NECAB2: variants seen among roughly 807,000 people sequenced by gnomAD.
NECAB2 encodes the protein N-terminal EF-hand calcium binding protein 2.
In NECAB2, 68 loss-of-function variants were observed where a neutral mutation model predicts 51.9. That is an observed-to-expected ratio of 1.31 (90% CI 1.08 to 1.60). The LOEUF (loss-of-function observed/expected upper bound fraction) is 1.60, where lower values mean the gene tolerates loss of function less well. Among genes scored for constraint, NECAB2 ranks in the 40% most tolerant of loss-of-function variants. The pLI is 0.00. For synonymous variants in NECAB2, 329 were observed against 203.5 expected (o/e 1.62, Z -5.25); for missense variants, 854 against 490.3 (o/e 1.74, Z -7.00).
chr16:83,967,533 G>C (rs1422089039), upstream of NECAB2, among the ~76,000 whole-genome samples: 2 of 135,542 alleles, frequency 1.5e-5, no homozygotes, highest in Non-Finnish European at 3.2e-5. Context: ...GGATGGATGG[G>C]AGGGAGGGAG....
chr16:84,002,048 C>CCAGGCTCAGA (rs1395543244), intron 12 of NECAB2, 132 bp downstream of exon 12: 14 of 1,142,472 alleles, frequency 1.2e-5, no homozygotes, highest in Non-Finnish European at 1.8e-5. Context: ...GCCACCAATG[C>CCAGGCTCAGA]CAGGCTCAGA....
chr16:83,995,605 A>C (rs1167591714), intron 8 of NECAB2, among the ~76,000 whole-genome samples: 8 of 152,222 alleles, frequency 5.3e-5, no homozygotes, highest in Non-Finnish European at 1.2e-4. Flanking sequence ...CTGAGCTCTC[A>C]GAACCCTGGG....
chr16:83,975,267 C>A (rs2550442), intron 2 of NECAB2, among the ~76,000 whole-genome samples: 2 of 80,142 alleles, frequency 2.5e-5, no homozygotes, highest in Non-Finnish European at 4.8e-5. Context: ...TGCAGGGAGG[C>A]GTGGGTGCGG....
At chr16:83,980,121 C>A (rs1343761853) in intron 3 of NECAB2, among the ~76,000 whole-genome samples, 2 of 152,266 alleles carry the variant, frequency 1.3e-5, no homozygotes, top group East Asian at 3.9e-4. Flanking sequence ...GGACCTAGGC[C>A]CAGAAAGGGC....
At chr16:83,993,279 C>G (rs566304313) in intron 6 of NECAB2, 1 of 152,214 alleles carries the variant, frequency 6.6e-6, no homozygotes, top group Admixed American at 6.5e-5. Context: ...ATTTAATTTC[C>G]TGCTGGTTTA....
At chr16:83,998,372 G>T in intron 10 of NECAB2, 55 bp downstream of exon 10, 1 of 1,541,086 alleles carries the variant, frequency 6.5e-7, no homozygotes, top group Non-Finnish European at 8.9e-7. Context: ...CTGCCTGGCA[G>T]TGGAGGAACA....
chr16:84,000,691 C>T (rs1305577022), intron 10 of NECAB2, 33 bp from the exon 11 acceptor site: 10 of 1,608,876 alleles, frequency 6.2e-6, no homozygotes, highest in Admixed American at 1.7e-5. Context: ...GGTTGAGCTC[C>T]AGCCTCCTCC....
In NECAB2 at chr16:84,002,675, G is replaced by C. The variant is rs1471447938; in HGVS notation, c.*329G>C. On this transcript the variant is annotated 3_prime_UTR_variant, in exon 13 of 13. Coordinates refer to ENST00000305202, the MANE Select transcript of NECAB2 (RefSeq NM_019065.3). ...CACTGACCACACCCTGCCCTCTTCG[G>C]TGACATTCTTCTACCTAGTAGGAGT... The C allele has an allele frequency of 2.4e-6, 1 of 410,608 alleles. No individual in the cohort carries two copies. The highest frequency in any genetic ancestry group is 2.0e-5 in the African/African-American group (1 of 49,466). The allele number at this position is 410,608 out of a possible 1,614,324, so 25.4% of individuals were successfully genotyped here.
intron 6 of NECAB2, chr16:83,993,436 C>G (rs1206414725): frequency 1.3e-5 from 2 of 153,910 alleles, no homozygotes; most frequent in African/African-American, 4.8e-5. Context: ...ACCAAGACCG[C>G]GATGCACAGA....
chr16:83,996,240 T>A (rs2084696820), intron 8 of NECAB2, among the ~76,000 whole-genome samples: 1 of 152,210 alleles, frequency 6.6e-6, no homozygotes. Flanking sequence ...TCACGTATGC[T>A]TGTAAAACCA....
chr16:83,965,248 C>A (rs201940808), upstream of NECAB2: 2 of 1,611,910 alleles, frequency 1.2e-6, no homozygotes, highest in Non-Finnish European at 1.7e-6. Flanking sequence ...TGAGCGGCTT[C>A]CTGACCAGGA....
intron 2 of NECAB2, among the ~76,000 whole-genome samples, chr16:83,976,366 C>G (rs1347986455): frequency 2.6e-5 from 4 of 152,214 alleles, no homozygotes; most frequent in Admixed American, 6.5e-5. Flanking sequence ...TTACCCCTCT[C>G]TAACATGGAA....
Position 83,994,652 on chromosome 16 carries a change from C to T in NECAB2, c.759C>T (p.Ser253=), listed in dbSNP as rs1345863919. 2 of 1,614,160 alleles carry T rather than the reference C, an allele frequency of 1.2e-6. No individual in the cohort carries two copies. ...AKEEGLEAQI[S]RLAELIGRLE... ...AAGAGGGTCTGGAAGCCCAGATCAGCCGCTTGGCAGAGCTGATTGGGAGGC... is the reference window on the plus strand; with the variant it reads ...AAGAGGGTCTGGAAGCCCAGATCAGTCGCTTGGCAGAGCTGATTGGGAGGC... The change falls in exon 8 of 13, where the codon AGC becomes AGT. Residue 253 remains serine (S), a synonymous_variant. Coordinates refer to ENST00000305202, the MANE Select transcript of NECAB2 (RefSeq NM_019065.3).
At chr16:83,998,090 G>A (rs1228544922) in intron 9 of NECAB2, 115 bp from the exon 10 acceptor site, 1 of 886,086 alleles carries the variant, frequency 1.1e-6, no homozygotes, top group Non-Finnish European at 1.7e-6. Flanking sequence ...AGAATGAAAA[G>A]TGGGGGAGGG....
intron 8 of NECAB2, among the ~76,000 whole-genome samples, chr16:83,996,848 G>A (rs2084707658): frequency 6.6e-6 from 1 of 152,192 alleles, no homozygotes; most frequent in African/African-American, 2.4e-5. Context: ...GTCTGGGGAA[G>A]ACCAGAGAGA....
chr16:83,968,872 C>A, intron 1 of NECAB2, 23 bp downstream of exon 1: 2 of 1,110,596 alleles, frequency 1.8e-6, no homozygotes, highest in Non-Finnish European at 2.2e-6. Flanking sequence ...CGGCCGGGAC[C>A]CCCGCCGTGG....
intron 3 of NECAB2, among the ~76,000 whole-genome samples, chr16:83,979,687 G>T (rs375977885): frequency 4.3e-4 from 65 of 152,106 alleles, no homozygotes; most frequent in African/African-American, 1.4e-3. Flanking sequence ...GGTAGAGGAG[G>T]GGGTGGAGGC....
intron 1 of NECAB2, among the ~76,000 whole-genome samples, chr16:83,969,152 C>T (rs967275118): frequency 6.6e-6 from 1 of 151,602 alleles, no homozygotes; most frequent in Non-Finnish European, 1.5e-5. Context: ...CACTGTCCCC[C>T]TAGTTTTGTC....
rs780059114 is a variant in NECAB2 at position 84,000,712 on chromosome 16, C to G, written c.963-12C>G. On this transcript the variant is annotated splice_polypyrimidine_tract_variant and intron_variant, in intron 10 of 12. Coordinates refer to ENST00000305202, the MANE Select transcript of NECAB2 (RefSeq NM_019065.3). ...GCTCCAGCCTCCTCCCCCCGACCAT[C>G]TCCTGTTGCAGCATCACTGCCGTGA... 1 of 1,613,710 alleles carries G rather than the reference C, an allele frequency of 6.2e-7. No homozygotes were observed. The highest frequency in any genetic ancestry group is 8.5e-7 in the Non-Finnish European group (1 of 1,179,810).
Sources: gnomAD v4.1 joint callset for allele counts (sites outside exome capture counted in the v4.1 genomes callset) on GRCh38, gnomAD v4.1.1 for gene constraint, MANE v1.5 for transcripts, NCBI Gene and HGNC (gene_info 2026-07-23, HGNC 2026-07-21) for gene names.